DLG2: variants seen among roughly 807,000 people sequenced by gnomAD.
DLG2 encodes the protein discs large MAGUK scaffold protein 2, also known as disks large homolog 2.
In DLG2, 45 loss-of-function variants were observed where a neutral mutation model predicts 132.5. The observed-to-expected ratio is 0.34, with a 90% CI of 0.27 to 0.44. The LOEUF (loss-of-function observed/expected upper bound fraction) is 0.44. Ranked by LOEUF, DLG2 falls within the 20% of genes least tolerant of loss-of-function variation. The pLI is 1.00. For synonymous variants in DLG2, 424 were observed against 419.6 expected, an observed-to-expected ratio of 1.01 and a Z score of -0.13; for missense variants, 1,045 against 1,196.9, an observed-to-expected ratio of 0.87 and a Z score of 1.87.
chr11:84,801,368 G>C (rs560068622), intron 6 of DLG2, among the ~76,000 whole-genome samples: 1 of 152,236 alleles, frequency 6.6e-6, no homozygotes, highest in South Asian at 2.1e-4. Flanking sequence ...AGGAGATCAA[G>C]ACCATCCTGG....
chr11:84,719,409 A>G (rs1205699890), intron 6 of DLG2, among the ~76,000 whole-genome samples: 3 of 152,186 alleles, frequency 2.0e-5, no homozygotes, highest in Admixed American at 6.5e-5. Flanking sequence ...TGTTTTATAT[A>G]AATAAGCTGG....
intron 18 of DLG2, among the ~76,000 whole-genome samples, chr11:83,690,256 A>G (rs1722077806): frequency 6.6e-6 from 1 of 151,232 alleles, no homozygotes; most frequent in East Asian, 1.9e-4. Flanking sequence ...AATCTCATTC[A>G]TTTATGGAGC....
chr11:84,045,890 G>C (rs1382123625), intron 11 of DLG2, among the ~76,000 whole-genome samples: 2 of 151,598 alleles, frequency 1.3e-5, no homozygotes. Context: ...GGGCTCTCTT[G>C]TGAAGAGTTG....
At chr11:84,605,477 T>C (rs924572244) in intron 6 of DLG2, among the ~76,000 whole-genome samples, 2 of 151,708 alleles carry the variant, frequency 1.3e-5, no homozygotes, top group Non-Finnish European at 2.9e-5. Context: ...ATTAATCTAA[T>C]AGGTGAAAAT....
intron 11 of DLG2, among the ~76,000 whole-genome samples, chr11:84,054,298 G>A (rs1047002353): frequency 6.6e-6 from 1 of 151,986 alleles, no homozygotes; most frequent in African/African-American, 2.4e-5. Flanking sequence ...ATGTGTTCTT[G>A]CGAAAGTCAC....
intron 3 of DLG2, among the ~76,000 whole-genome samples, chr11:85,514,504 C>G (rs1598159600): frequency 6.6e-6 from 1 of 151,934 alleles, no homozygotes; most frequent in South Asian, 2.1e-4. Flanking sequence ...GCTTTCATCT[C>G]TGGGTATAGG....
chr11:83,543,110 T>C (rs1351315844), intron 19 of DLG2, among the ~76,000 whole-genome samples: 1 of 152,130 alleles, frequency 6.6e-6, no homozygotes, highest in Non-Finnish European at 1.5e-5. Context: ...AGGAAAAGTA[T>C]AATTAATTGC....
At chr11:85,552,276 A>G (rs899050929) in intron 3 of DLG2, among the ~76,000 whole-genome samples, 4 of 151,574 alleles carry the variant, frequency 2.6e-5, no homozygotes, top group African/African-American at 9.7e-5. Context: ...AAATGGCCTC[A>G]TAACAGTGGA....
chr11:84,381,613 T>C (rs1045466186), intron 7 of DLG2, among the ~76,000 whole-genome samples: 6 of 152,190 alleles, frequency 3.9e-5, no homozygotes, highest in African/African-American at 1.4e-4. Context: ...TTCAATTTAG[T>C]AGTGATAAAA....
intron 6 of DLG2, chr11:84,720,484 T>G (rs1367891988): frequency 1.0e-6 from 1 of 985,018 alleles, no homozygotes; most frequent in Non-Finnish European, 1.2e-6. Flanking sequence ...TAGACCGAGC[T>G]GCCGCTTCGA....
chr11:85,607,954 C>T (rs2080707683), intron 2 of DLG2, among the ~76,000 whole-genome samples: 1 of 152,136 alleles, frequency 6.6e-6, no homozygotes, highest in South Asian at 2.1e-4. Flanking sequence ...GACAATGCTT[C>T]AGTAAAGGTG....
intron 17 of DLG2, among the ~76,000 whole-genome samples, chr11:83,826,397 T>G (rs1305656885): frequency 6.6e-6 from 1 of 152,104 alleles, no homozygotes; most frequent in Non-Finnish European, 1.5e-5. Flanking sequence ...AGGTGAGCAG[T>G]GAGTTCTGAG....
At chr11:83,651,096 A>G (rs1439083976) in intron 18 of DLG2, among the ~76,000 whole-genome samples, 1 of 152,158 alleles carries the variant, frequency 6.6e-6, no homozygotes, top group East Asian at 1.9e-4. Context: ...CTGCCAGCCT[A>G]AAACTCTATG....
At chr11:85,417,093 TC>T (rs1437498768) in intron 3 of DLG2, among the ~76,000 whole-genome samples, 1 of 152,164 alleles carries the variant, frequency 6.6e-6, no homozygotes, top group Admixed American at 6.6e-5. Context: ...CATAAATAGC[TC>T]TTATTATTTT....
intron 15 of DLG2, among the ~76,000 whole-genome samples, chr11:83,923,409 A>T (rs2078317582): frequency 1.3e-5 from 2 of 152,140 alleles, no homozygotes; most frequent in Non-Finnish European, 2.9e-5. Flanking sequence ...TAAAATGCAC[A>T]TGATTAGTAT....
intron 4 of DLG2, among the ~76,000 whole-genome samples, chr11:85,252,831 G>A (rs1343978492): frequency 1.3e-5 from 2 of 152,028 alleles, no homozygotes; most frequent in Non-Finnish European, 2.9e-5. Flanking sequence ...TATTTTAAAG[G>A]TATAAGCAAG....
chr11:84,839,977 A>C (rs1278884397), intron 6 of DLG2, among the ~76,000 whole-genome samples: 1 of 152,194 alleles, frequency 6.6e-6, no homozygotes, highest in Non-Finnish European at 1.5e-5. Flanking sequence ...AACAAAAGCC[A>C]AAATTGACAG....
chr11:83,533,749 T>C (rs2095815687), intron 20 of DLG2, among the ~76,000 whole-genome samples: 3 of 152,182 alleles, frequency 2.0e-5, no homozygotes, highest in African/African-American at 7.2e-5. Context: ...GCAGTGAGGC[T>C]AGCGAGGTGA....
At chr11:84,832,080 C>A (rs1343583999) in intron 6 of DLG2, among the ~76,000 whole-genome samples, 1 of 151,682 alleles carries the variant, frequency 6.6e-6, no homozygotes, top group Admixed American at 6.6e-5. Context: ...ATTTGCCAGC[C>A]CTATCCTAAC....
Sources: allele counts gnomAD v4.1 joint callset (sites outside exome capture counted in the v4.1 genomes callset), GRCh38; gene constraint gnomAD v4.1.1; transcripts MANE v1.5; gene names NCBI Gene and HGNC (gene_info 2026-07-23, HGNC 2026-07-21).